SRPK2: variants seen among roughly 807,000 people sequenced by gnomAD.
SRPK2 encodes SFRS protein kinase 2.
A neutral mutation model predicts 90.8 loss-of-function variants in SRPK2; 21 were observed. The ratio of observed to expected loss-of-function variants is 0.23; its 90% CI spans 0.16 to 0.33. The LOEUF is 0.33. Ranked by LOEUF, SRPK2 falls within the 10% of genes least tolerant of loss-of-function variation. SRPK2 has a pLI of 1.00. For synonymous variants in SRPK2, 288 were observed against 311.1 expected (o/e 0.93, Z 0.78); for missense variants, 620 against 869.0 (o/e 0.71, Z 3.60).
At chr7:105,176,536 G>T (rs1158894802) in intron 3 of SRPK2, among the ~76,000 whole-genome samples, 1 of 151,322 alleles carries the variant, frequency 6.6e-6, no homozygotes, top group Non-Finnish European at 1.5e-5. Context: ...AAGCCACAGA[G>T]ATGTATGTGG....
chr7:105,360,767 A>C (rs1818336241), intron 2 of SRPK2, among the ~76,000 whole-genome samples: 1 of 152,150 alleles, frequency 6.6e-6, no homozygotes, highest in South Asian at 2.1e-4. Context: ...CTTTGTGGGT[A>C]ACCCGACAGG....
intron 2 of SRPK2, among the ~76,000 whole-genome samples, chr7:105,215,600 A>AATGG (rs2129613874): frequency 6.6e-6 from 1 of 152,342 alleles, no homozygotes; most frequent in East Asian, 1.9e-4. Context: ...CTAACTGATG[A>AATGG]ATGGATAAAT....
chr7:105,264,458 G>A (rs1051077965), intron 2 of SRPK2, among the ~76,000 whole-genome samples: 2 of 152,070 alleles, frequency 1.3e-5, no homozygotes, highest in African/African-American at 2.4e-5. Flanking sequence ...CTTTTTATTC[G>A]GCATTGGTAG....
intron 7 of SRPK2, among the ~76,000 whole-genome samples, chr7:105,154,697 G>A (rs1282418558): frequency 6.6e-6 from 1 of 151,852 alleles, no homozygotes; most frequent in Non-Finnish European, 1.5e-5. Flanking sequence ...TTGTTTGTTT[G>A]GAGACAGAGT....
At chr7:105,167,976 T>C (rs1371625641) in intron 5 of SRPK2, 32 bp downstream of exon 5, 6 of 1,506,654 alleles carry the variant, frequency 4.0e-6, no homozygotes, top group Non-Finnish European at 5.4e-6. Flanking sequence ...CATTAAGTTT[T>C]CTTATATCAT....
chr7:105,375,355 G>C (rs1243580501), intron 2 of SRPK2, among the ~76,000 whole-genome samples: 1 of 152,096 alleles, frequency 6.6e-6, no homozygotes, highest in Non-Finnish European at 1.5e-5. Context: ...GTGGGTATGG[G>C]GGTATAAGAG....
intron 2 of SRPK2, among the ~76,000 whole-genome samples, chr7:105,387,181 TTGTTTTTA>T (rs1378864950): frequency 1.3e-5 from 2 of 152,252 alleles, no homozygotes; most frequent in Non-Finnish European, 2.9e-5. Context: ...CTTTTTCCAC[TTGTTTTTA>T]TGTTTCTGAG....
chr7:105,318,197 C>T (rs1585682933), intron 2 of SRPK2, among the ~76,000 whole-genome samples: 2 of 152,306 alleles, frequency 1.3e-5, no homozygotes, highest in East Asian at 1.9e-4. Context: ...TGGGTACAAG[C>T]GATTCTCCTA....
At position 105,207,781 on chromosome 7, in the gene SRPK2, A is replaced by C. The variant is rs1796389744; in HGVS notation, c.72-3996T>G. On this transcript the variant is annotated intron_variant, in intron 2 of 15. Transcript: ENST00000393651. ...TAAATGTGACATTAAAAGCATAAGC[A>C]ATACAAGAAAAACTAAATTGGACTT... 2.0e-5 allele frequency among the ~76,000 whole-genome samples: 3 copies of C among 152,236 alleles called. 1 individual carries two copies. The East Asian group carries it at 5.8e-4, about 29-fold the overall frequency.
At chr7:105,205,513 TCTCTCA>T (rs879211955) in intron 2 of SRPK2, among the ~76,000 whole-genome samples, 753 of 61,062 alleles carry the variant, frequency 0.012, 1 homozygote, top group Middle Eastern at 0.038. Flanking sequence ...TCTCTCTCTC[TCTCTCA>T]CACACACACA....
At chr7:105,159,464 A>AAAAAAAAAAAAAAC (rs1807168874) in intron 7 of SRPK2, among the ~76,000 whole-genome samples, 1 of 141,596 alleles carries the variant, frequency 7.1e-6, no homozygotes, top group African/African-American at 2.9e-5. Flanking sequence ...AAAAAAAAAA[A>AAAAAAAAAAAAAAC]AAAAAAAAAC....
At chr7:105,150,567 A>G (rs1217296429) in intron 7 of SRPK2, among the ~76,000 whole-genome samples, 1 of 152,230 alleles carries the variant, frequency 6.6e-6, no homozygotes, top group Non-Finnish European at 1.5e-5. Context: ...AATAGTAAGA[A>G]AGATAACATG....
chr7:105,218,867 A>G (rs978796985), intron 2 of SRPK2, among the ~76,000 whole-genome samples: 3 of 151,352 alleles, frequency 2.0e-5, no homozygotes, highest in Admixed American at 6.6e-5. Flanking sequence ...TCGTAGTTGA[A>G]AAGAAAAAGA....
intron 2 of SRPK2, among the ~76,000 whole-genome samples, chr7:105,242,834 C>T (rs1276210710): frequency 1.3e-5 from 2 of 152,154 alleles, no homozygotes; most frequent in Non-Finnish European, 2.9e-5. Flanking sequence ...TTAAAGTGAC[C>T]TCTGGCTTGA....
intron 1 of SRPK2, among the ~76,000 whole-genome samples, chr7:105,397,985 G>A (rs887055602): frequency 1.3e-5 from 2 of 152,040 alleles, no homozygotes; most frequent in Admixed American, 1.3e-4. Context: ...AATGTAATGA[G>A]GATGATTTAA....
chr7:105,288,687 G>A (rs1289520287), intron 2 of SRPK2, among the ~76,000 whole-genome samples: 1 of 152,136 alleles, frequency 6.6e-6, no homozygotes, highest in East Asian at 1.9e-4. Flanking sequence ...AATGGGTGGA[G>A]TATGCTTACA....
intron 3 of SRPK2, among the ~76,000 whole-genome samples, chr7:105,183,169 A>G (rs2129599715): frequency 6.6e-6 from 1 of 152,316 alleles, no homozygotes; most frequent in South Asian, 2.1e-4. Context: ...TTTATGACTA[A>G]TCATCTTTTT....
intron 3 of SRPK2, among the ~76,000 whole-genome samples, chr7:105,172,590 AACC>A (rs1791293823): frequency 6.6e-6 from 1 of 152,206 alleles, no homozygotes; most frequent in Non-Finnish European, 1.5e-5. Context: ...TAATTCTTGA[AACC>A]ACCATACAAA....
At chr7:105,363,311 G>T (rs374457628) in intron 2 of SRPK2, among the ~76,000 whole-genome samples, 1 of 151,956 alleles carries the variant, frequency 6.6e-6, no homozygotes, top group East Asian at 1.9e-4. Context: ...AATCTACAAA[G>T]AACTTAAACA....
Sources: allele counts gnomAD v4.1 joint callset (sites outside exome capture counted in the v4.1 genomes callset), GRCh38; gene constraint gnomAD v4.1.1; transcripts MANE v1.5; gene names NCBI Gene and HGNC (gene_info 2026-07-23, HGNC 2026-07-21).